Variants in PTPRK observed in about 807,000 individuals in gnomAD.
PTPRK encodes the protein protein tyrosine phosphatase receptor type K.
In PTPRK, 75 loss-of-function variants were observed where a neutral mutation model predicts 178.0. The observed-to-expected ratio is 0.42, with a 90% CI of 0.35 to 0.51. The LOEUF (loss-of-function observed/expected upper bound fraction) is 0.51, where lower values mean the gene tolerates loss of function less well. Among genes scored for constraint, PTPRK ranks in the 20% least tolerant of loss-of-function variants. The probability of loss-of-function intolerance (pLI) is 0.02; values close to 1 mark genes in which losing one functional copy is unlikely to be tolerated. For synonymous variants in PTPRK, 637 were observed against 620.6 expected, an observed-to-expected ratio of 1.03 and a Z score of -0.39; for missense variants, 1,441 against 1,797.8, an observed-to-expected ratio of 0.80 and a Z score of 3.59.
intron 7 of PTPRK, among the ~76,000 whole-genome samples, chr6:128,123,717 C>A (rs112622565): frequency 0.026 from 3,904 of 152,180 alleles, 74 homozygotes; most frequent in Middle Eastern, 0.092. Flanking sequence ...TACATCATAT[C>A]TCCTTCATCT....
chr6:128,348,634 T>C (rs991455517), intron 2 of PTPRK, among the ~76,000 whole-genome samples: 1 of 152,058 alleles, frequency 6.6e-6, no homozygotes, highest in African/African-American at 2.4e-5. Flanking sequence ...GATTTTTATT[T>C]TTCCCTATTT....
intron 6 of PTPRK, among the ~76,000 whole-genome samples, chr6:128,190,490 C>CTTTTTTTTTTTTTT (rs34873441): frequency 1.0e-5 from 1 of 96,126 alleles, no homozygotes; most frequent in African/African-American, 5.3e-5. Flanking sequence ...TGATAGATAC[C>CTTTTTTTTTTTTTT]TTTTTTTTTT....
chr6:128,193,294 A>AG, intron 6 of PTPRK, among the ~76,000 whole-genome samples: 1 of 151,390 alleles, frequency 6.6e-6, no homozygotes. Context: ...AAAAAAAAAA[A>AG]AAAAAAAAAA....
chr6:128,464,659 A>ATATG (rs1554271952), intron 1 of PTPRK, among the ~76,000 whole-genome samples: 3 of 108,248 alleles, frequency 2.8e-5, no homozygotes, highest in African/African-American at 8.3e-5. Flanking sequence ...ATATATATAT[A>ATATG]TATATATATA....
At chr6:128,421,391 G>C (rs1385778481) in intron 1 of PTPRK, among the ~76,000 whole-genome samples, 1 of 152,188 alleles carries the variant, frequency 6.6e-6, no homozygotes, top group Non-Finnish European at 1.5e-5. Context: ...GGTATTTGTG[G>C]CAGAAGATAT....
chr6:128,294,679 G>T (rs915629796), intron 3 of PTPRK, among the ~76,000 whole-genome samples: 1 of 151,968 alleles, frequency 6.6e-6, no homozygotes, highest in African/African-American at 2.4e-5. Context: ...AAATATATCT[G>T]CAGTAAAAAA....
At chr6:128,390,707 C>T (rs2128363727) in intron 2 of PTPRK, among the ~76,000 whole-genome samples, 1 of 152,200 alleles carries the variant, frequency 6.6e-6, no homozygotes. Context: ...ATTATTCTAT[C>T]ACTCTCTGCC....
At chr6:127,983,597 A>C (rs1775611631) in intron 22 of PTPRK, among the ~76,000 whole-genome samples, 1 of 152,198 alleles carries the variant, frequency 6.6e-6, no homozygotes, top group Non-Finnish European at 1.5e-5. Flanking sequence ...AGAGTTCTAA[A>C]TTATTTTCAA....
chr6:128,027,548 T>C (rs943745501), intron 13 of PTPRK, among the ~76,000 whole-genome samples: 4 of 152,136 alleles, frequency 2.6e-5, no homozygotes. Flanking sequence ...CCAAACTCTT[T>C]TAATATATTA....
At chr6:128,216,213 C>T (rs1809255359) in intron 6 of PTPRK, among the ~76,000 whole-genome samples, 1 of 151,984 alleles carries the variant, frequency 6.6e-6, no homozygotes, top group Non-Finnish European at 1.5e-5. Context: ...ATAAAAATCA[C>T]AAAACTTATG....
chr6:128,101,021 T>C lies in PTPRK; in HGVS notation c.1163-11029A>G, dbSNP rs914397840. On this transcript the variant is annotated intron_variant, in intron 7 of 29. Transcript: ENST00000368226. ...TTAACAACACATAGAAACGACAACC[T>C]AGAAGACTGGTTTCCTTTGTTTCCA... 3.3e-5 allele frequency among the ~76,000 whole-genome samples: 5 copies of C among 152,152 alleles called. No homozygotes were observed. In the South Asian group the frequency reaches 1.0e-3, roughly 32 times the overall value.
chr6:128,154,816 T>C (rs1429280171), intron 7 of PTPRK, among the ~76,000 whole-genome samples: 2 of 151,862 alleles, frequency 1.3e-5, no homozygotes, highest in Admixed American at 6.6e-5. Flanking sequence ...CTATATTCCA[T>C]TTTTATGTTT....
intron 2 of PTPRK, among the ~76,000 whole-genome samples, chr6:128,366,242 G>C (rs1435734232): frequency 6.6e-6 from 1 of 152,050 alleles, no homozygotes; most frequent in East Asian, 1.9e-4. Flanking sequence ...TTTTGGAAAA[G>C]AGCAAAATAG....
intron 2 of PTPRK, among the ~76,000 whole-genome samples, chr6:128,323,279 A>G (rs1321857834): frequency 6.6e-6 from 1 of 152,144 alleles, no homozygotes; most frequent in African/African-American, 2.4e-5. Flanking sequence ...CTCCAGTAAG[A>G]CAACCAATTG....
At chr6:128,353,539 T>C (rs1833483326) in intron 2 of PTPRK, among the ~76,000 whole-genome samples, 1 of 152,214 alleles carries the variant, frequency 6.6e-6, no homozygotes, top group Admixed American at 6.5e-5. Context: ...GAACTATTAA[T>C]ATGCACAACT....
intron 25 of PTPRK, among the ~76,000 whole-genome samples, chr6:127,977,805 A>G (rs1774784764): frequency 6.6e-6 from 1 of 152,194 alleles, no homozygotes; most frequent in South Asian, 2.1e-4. Flanking sequence ...AACACAATAT[A>G]TTATCTCTTT....
chr6:128,498,407 G>A (rs1380346265), intron 1 of PTPRK, among the ~76,000 whole-genome samples: 1 of 152,164 alleles, frequency 6.6e-6, no homozygotes, highest in African/African-American at 2.4e-5. Flanking sequence ...ACCCATGGGG[G>A]AGACGTTTAC....
At chr6:128,377,144 C>CA (rs1313488387) in intron 2 of PTPRK, among the ~76,000 whole-genome samples, 3 of 152,116 alleles carry the variant, frequency 2.0e-5, no homozygotes, top group African/African-American at 7.2e-5. Context: ...CTCCTGGTAC[C>CA]AATTTACTGT....
At chr6:128,365,037 A>C (rs72974018) in intron 2 of PTPRK, among the ~76,000 whole-genome samples, 7,458 of 152,098 alleles carry the variant, frequency 0.049, 225 homozygotes, top group Non-Finnish European at 0.06. Context: ...TAGGTTTGTA[A>C]CGTAGACTGT....
Sources: gnomAD v4.1 joint callset for allele counts (sites outside exome capture counted in the v4.1 genomes callset) on GRCh38, gnomAD v4.1.1 for gene constraint, MANE v1.5 for transcripts, NCBI Gene and HGNC (gene_info 2026-07-23, HGNC 2026-07-21) for gene names.